The following ROBO2 variants were observed in gnomAD, a reference collection of about 807,000 sequenced individuals.
The protein encoded by ROBO2 is roundabout guidance receptor 2.
In ROBO2, 53 loss-of-function variants were observed where a neutral mutation model predicts 160.8. That is an observed-to-expected ratio of 0.33 (90% CI 0.26 to 0.41). The LOEUF (loss-of-function observed/expected upper bound fraction) is 0.41, where lower values mean the gene tolerates loss of function less well. Among genes scored for constraint, ROBO2 ranks in the 10% least tolerant of loss-of-function variants. The pLI, the probability that ROBO2 is intolerant of heterozygous loss-of-function variation, is 1.00. For synonymous variants in ROBO2, 664 were observed against 611.7 expected (o/e 1.09, Z -1.26); for missense variants, 1,577 against 1,722.4 (o/e 0.92, Z 1.49).
intron 2 of ROBO2, among the ~76,000 whole-genome samples, chr3:76,269,822 T>C (rs1707323973): frequency 6.6e-6 from 1 of 152,024 alleles, no homozygotes; most frequent in African/African-American, 2.4e-5. Context: ...TGCAAGTCCT[T>C]CTTATATTTG....
exon 16 of ROBO2, chr3:77,580,095 G>A (rs1382662677): frequency 6.2e-7 from 1 of 1,613,704 alleles, no homozygotes; most frequent in African/African-American, 1.3e-5. Context: ...GGAGTAAAGA[G>A]TGAGCCACAG....
chr3:76,202,748 T>C (rs1190912470), intron 2 of ROBO2, among the ~76,000 whole-genome samples: 1 of 152,138 alleles, frequency 6.6e-6, no homozygotes, highest in Admixed American at 6.5e-5. Context: ...TATATAATGG[T>C]GATGGAACTG....
At chr3:76,828,314 T>G (rs1345706529) in intron 2 of ROBO2, among the ~76,000 whole-genome samples, 1 of 152,060 alleles carries the variant, frequency 6.6e-6, no homozygotes, top group Admixed American at 6.6e-5. Context: ...CACTTTATTT[T>G]ATCTATATTA....
intron 2 of ROBO2, among the ~76,000 whole-genome samples, chr3:76,104,601 TTAAAA>T (rs1344940671): frequency 7.9e-5 from 12 of 152,310 alleles, no homozygotes; most frequent in Admixed American, 2.0e-4. Context: ...TCTTTCATGC[TTAAAA>T]TAATCATCTT....
At position 77,635,038 on chromosome 3, in the gene ROBO2, C is replaced by CA. The variant is rs2095240263; in HGVS notation, c.3930dup (p.Asp1311ArgfsTer2). ...TTGCCTCATCGAAGGGAAGGAATGA[C>CA]AGATGGTAGGTTTCTTCCCTTTACT... is the stretch of plus-strand genomic sequence containing the variant. On this transcript the variant is annotated frameshift_variant, in exon 24 of 26. Transcript: ENST00000461745. LOFTEE classifies it high-confidence loss of function. 6.2e-7 allele frequency: 1 copy of CA among 1,613,970 alleles called. No homozygotes were observed.
chr3:76,952,294 T>G (rs1280675903), intron 2 of ROBO2, among the ~76,000 whole-genome samples: 1 of 152,214 alleles, frequency 6.6e-6, no homozygotes, highest in Non-Finnish European at 1.5e-5. Context: ...TTTTTATTTT[T>G]TTTTTGAGAC....
At chr3:76,009,319 G>A (rs2066127157) in intron 2 of ROBO2, among the ~76,000 whole-genome samples, 1 of 152,218 alleles carries the variant, frequency 6.6e-6, no homozygotes, top group Admixed American at 6.5e-5. Context: ...CAGCCAGGAT[G>A]GTCTCGATCT....
At chr3:77,518,029 A>C (rs2090200938) in intron 5 of ROBO2, among the ~76,000 whole-genome samples, 1 of 151,574 alleles carries the variant, frequency 6.6e-6, no homozygotes, top group African/African-American at 2.4e-5. Flanking sequence ...GAGATAATTC[A>C]TAAGAAACCC....
chr3:76,277,443 G>T (rs1376031509), intron 2 of ROBO2, among the ~76,000 whole-genome samples: 1 of 151,964 alleles, frequency 6.6e-6, no homozygotes, highest in Non-Finnish European at 1.5e-5. Flanking sequence ...GTCCTCTAGG[G>T]ATAGGAAGGC....
In ROBO2 at chr3:77,580,128, A is replaced by G. The variant is rs1265540969; in HGVS notation, c.2500+10A>G. 1 of 1,613,414 alleles carries G rather than the reference A, an allele frequency of 6.2e-7. No homozygotes were observed. Among genetic ancestry groups the G allele is most frequent in the South Asian group, 1.1e-5 (1 of 91,086 alleles). ...CAGCCAATAATAATCGGTGAGTATCAAACTATGTGGTCTGTGCTTTAGAAT... is the reference window on the plus strand; with the variant it reads ...CAGCCAATAATAATCGGTGAGTATCGAACTATGTGGTCTGTGCTTTAGAAT... On this transcript the variant is annotated intron_variant, in intron 16 of 25. Transcript: ENST00000461745.
intron 2 of ROBO2, among the ~76,000 whole-genome samples, chr3:76,712,560 A>AGGTACTT: frequency 6.6e-6 from 1 of 152,192 alleles, no homozygotes; most frequent in Non-Finnish European, 1.5e-5. Context: ...CTGTAATCCC[A>AGGTACTT]GGTACTTGGA....
intron 2 of ROBO2, among the ~76,000 whole-genome samples, chr3:76,232,220 G>A (rs929655209): frequency 6.6e-6 from 1 of 152,096 alleles, no homozygotes; most frequent in Non-Finnish European, 1.5e-5. Flanking sequence ...GTTCTCAATA[G>A]TTATTACATT....
intron 2 of ROBO2, among the ~76,000 whole-genome samples, chr3:76,270,894 G>C (rs1435587898): frequency 6.6e-6 from 1 of 152,016 alleles, no homozygotes; most frequent in Non-Finnish European, 1.5e-5. Flanking sequence ...ATAGCTGGAA[G>C]CTTCAGTTTC....
At chr3:76,135,358 T>C (rs1458703869) in intron 2 of ROBO2, among the ~76,000 whole-genome samples, 1 of 152,128 alleles carries the variant, frequency 6.6e-6, no homozygotes, top group African/African-American at 2.4e-5. Flanking sequence ...GATCAGTAAC[T>C]TATCCAAGGC....
chr3:77,564,875 A>G, intron 11 of ROBO2, 79 bp from the exon 13 acceptor site: 2 of 1,264,478 alleles, frequency 1.6e-6, no homozygotes, highest in Non-Finnish European at 2.3e-6. Flanking sequence ...CCAGCCATTA[A>G]CCTTTGTCAT....
intron 2 of ROBO2, among the ~76,000 whole-genome samples, chr3:76,896,526 A>G (rs2074790531): frequency 6.6e-6 from 1 of 152,192 alleles, no homozygotes; most frequent in Admixed American, 6.6e-5. Flanking sequence ...CTATTGGGTG[A>G]ATATGTGATA....
chr3:76,349,186 TA>T (rs1023656531), intron 2 of ROBO2, among the ~76,000 whole-genome samples: 36 of 152,200 alleles, frequency 2.4e-4, no homozygotes, highest in South Asian at 1.5e-3. Flanking sequence ...AAGATTTTTT[TA>T]AAAGTACTTC....
chr3:76,744,506 T>G (rs1445058195), intron 2 of ROBO2, among the ~76,000 whole-genome samples: 3 of 152,026 alleles, frequency 2.0e-5, no homozygotes, highest in Non-Finnish European at 2.9e-5. Flanking sequence ...GCTACAGGCA[T>G]GCACTACCAT....
At chr3:76,275,297 A>G (rs1707855441) in intron 2 of ROBO2, among the ~76,000 whole-genome samples, 1 of 152,116 alleles carries the variant, frequency 6.6e-6, no homozygotes, top group African/African-American at 2.4e-5. Context: ...AATTTTTTTT[A>G]ATACTTTAAG....
Sources: allele counts gnomAD v4.1 joint callset (sites outside exome capture counted in the v4.1 genomes callset), GRCh38; gene constraint gnomAD v4.1.1; transcripts MANE v1.5; gene names NCBI Gene and HGNC (gene_info 2026-07-23, HGNC 2026-07-21).